AK5: variants seen among roughly 807,000 people sequenced by gnomAD.
AK5 encodes adenylate kinase isoenzyme 5.
A neutral mutation model predicts 69.5 loss-of-function variants in AK5; 27 were observed. The ratio of observed to expected loss-of-function variants is 0.39; its 90% CI spans 0.29 to 0.54. The LOEUF (loss-of-function observed/expected upper bound fraction) is 0.54. AK5 is among the 20% of genes least tolerant of loss of function. The pLI is 0.71. For synonymous variants in AK5, 260 were observed against 244.4 expected, an observed-to-expected ratio of 1.06 and a Z score of -0.60; for missense variants, 531 against 700.4, an observed-to-expected ratio of 0.76 and a Z score of 2.73.
chr1:77,396,194 A>C (rs558557670), intron 6 of AK5, among the ~76,000 whole-genome samples: 1 of 152,332 alleles, frequency 6.6e-6, no homozygotes, highest in Admixed American at 6.5e-5. Flanking sequence ...CTAAATTCAC[A>C]TAAAGTCTTA....
intron 12 of AK5, among the ~76,000 whole-genome samples, chr1:77,531,716 C>T (rs1304741946): frequency 1.3e-5 from 2 of 152,212 alleles, no homozygotes; most frequent in Non-Finnish European, 2.9e-5. Context: ...GTGGATCCTG[C>T]ACTGGGCCAC....
intron 8 of AK5, among the ~76,000 whole-genome samples, chr1:77,443,786 T>C (rs1652488803): frequency 6.6e-6 from 1 of 151,906 alleles, no homozygotes; most frequent in Non-Finnish European, 1.5e-5. Context: ...TTTTCTAATT[T>C]ATTTTTTAAA....
At chr1:77,306,531 TTCA>T (rs2100276587) in intron 5 of AK5, among the ~76,000 whole-genome samples, 1 of 150,288 alleles carries the variant, frequency 6.7e-6, no homozygotes, top group East Asian at 1.9e-4. Flanking sequence ...TGCATCAGTA[TTCA>T]TCAGAGACAT....
chr1:77,282,806 AC>A, intron 1 of AK5: 1 of 992,660 alleles, frequency 1.0e-6, no homozygotes. Context: ...GAGGGTCGGA[AC>A]CCCTGGGGGA....
chr1:77,426,512 A>C (rs1651219278), intron 8 of AK5, among the ~76,000 whole-genome samples: 1 of 152,204 alleles, frequency 6.6e-6, no homozygotes, highest in Admixed American at 6.5e-5. Context: ...AAGGAGAAAT[A>C]AGTGAATTCA....
At chr1:77,463,514 G>A (rs934383757) in intron 8 of AK5, among the ~76,000 whole-genome samples, 1 of 150,758 alleles carries the variant, frequency 6.6e-6, no homozygotes, top group South Asian at 2.1e-4. Context: ...CCTTCACTAT[G>A]TGAGTGTCTT....
In AK5 at chr1:77,558,878, A is replaced by G. The variant is rs2100415831; in HGVS notation, c.*208A>G. On this transcript the variant is annotated 3_prime_UTR_variant, in exon 14 of 14. Transcript: ENST00000354567. ...GGTGTATTTGGGACTATATCAACCT[A>G]TTCTCCACACTTCAGACAACTGTCT... 5.6e-6 allele frequency: 3 copies of G among 533,582 alleles called. No homozygotes were observed. The highest frequency in any genetic ancestry group is 6.4e-5 in the East Asian group (2 of 31,250). The allele number at this position is 533,582 out of a possible 1,614,324, so 33.1% of individuals were successfully genotyped here.
chr1:77,423,101 G>A (rs557162578), intron 8 of AK5, among the ~76,000 whole-genome samples: 1 of 151,732 alleles, frequency 6.6e-6, no homozygotes, highest in South Asian at 2.1e-4. Context: ...GGCACCTGTA[G>A]TCCCAGCTAC....
At chr1:77,549,624 T>C (rs1473301087) in intron 13 of AK5, among the ~76,000 whole-genome samples, 2 of 152,146 alleles carry the variant, frequency 1.3e-5, no homozygotes, top group Non-Finnish European at 2.9e-5. Context: ...CTGGTAACTA[T>C]CAATCTACTA....
At chr1:77,295,170 T>G (rs946684031) in intron 3 of AK5, among the ~76,000 whole-genome samples, 3 of 152,244 alleles carry the variant, frequency 2.0e-5, no homozygotes, top group Non-Finnish European at 4.4e-5. Context: ...AGCAAAACTC[T>G]GGCATGAAAT....
intron 8 of AK5, among the ~76,000 whole-genome samples, chr1:77,433,062 G>A (rs541341401): frequency 6.6e-6 from 1 of 152,298 alleles, no homozygotes; most frequent in South Asian, 2.1e-4. Flanking sequence ...CTTGTCTCTT[G>A]AAATTTATAT....
intron 6 of AK5, among the ~76,000 whole-genome samples, chr1:77,379,513 A>G (rs1647476243): frequency 6.6e-6 from 1 of 152,164 alleles, no homozygotes; most frequent in African/African-American, 2.4e-5. Context: ...CTTTGTTCCT[A>G]GTAACCCAGG....
intron 6 of AK5, among the ~76,000 whole-genome samples, chr1:77,380,680 C>T (rs1156592441): frequency 6.6e-6 from 1 of 152,168 alleles, no homozygotes; most frequent in Non-Finnish European, 1.5e-5. Flanking sequence ...AAAGTATAGG[C>T]TAGTGTTGGG....
In AK5 at chr1:77,475,970, ATT is replaced by A. The variant is rs1029478152; in HGVS notation, c.1060-7341_1060-7340del. 2.6e-5 allele frequency among the ~76,000 whole-genome samples: 4 copies of A among 152,192 alleles called. No individual in the cohort carries two copies. In the East Asian group the frequency reaches 7.7e-4, roughly 29 times the overall value. On this transcript the variant is annotated intron_variant, in intron 8 of 13. Transcript: ENST00000354567. ...GAACTTAGAGAAAAACAGTGAGAAA[ATT>A]TTTTTCTTTAAAATTTCTTATTAGA...
At chr1:77,348,985 A>C (rs1662054852) in intron 6 of AK5, among the ~76,000 whole-genome samples, 1 of 152,224 alleles carries the variant, frequency 6.6e-6, no homozygotes, top group South Asian at 2.1e-4. Flanking sequence ...ACTAATTGGA[A>C]TTAATCAATA....
At chr1:77,405,152 G>T (rs1403779785) in intron 6 of AK5, among the ~76,000 whole-genome samples, 1 of 152,210 alleles carries the variant, frequency 6.6e-6, no homozygotes, top group Admixed American at 6.5e-5. Flanking sequence ...AGAGAGAAAT[G>T]AAAGTGACAA....
chr1:77,500,541 G>A (rs1656652365), intron 10 of AK5, among the ~76,000 whole-genome samples: 1 of 152,172 alleles, frequency 6.6e-6, no homozygotes, highest in Non-Finnish European at 1.5e-5. Flanking sequence ...CACTTTAGGA[G>A]GCCGAGGCAG....
At chr1:77,486,225 T>C in intron 9 of AK5, 83 bp from the exon 10 acceptor site, 1 of 890,200 alleles carries the variant, frequency 1.1e-6, no homozygotes, top group Admixed American at 2.4e-5. Flanking sequence ...ACTACAAGGT[T>C]TGGGTTTTTA....
intron 8 of AK5, among the ~76,000 whole-genome samples, chr1:77,466,509 G>T (rs1299542508): frequency 2.0e-5 from 3 of 152,172 alleles, no homozygotes; most frequent in African/African-American, 7.2e-5. Flanking sequence ...CGCCCTCAAA[G>T]CTGAATAAAG....
Sources: allele counts gnomAD v4.1 joint callset (sites outside exome capture counted in the v4.1 genomes callset), GRCh38; gene constraint gnomAD v4.1.1; transcripts MANE v1.5; gene names NCBI Gene and HGNC (gene_info 2026-07-23, HGNC 2026-07-21).